Variants in ARSH observed in about 807,000 individuals in gnomAD.
ARSH encodes the protein arylsulfatase family member H, also known as arylsulfatase H.
A neutral mutation model predicts 28.7 loss-of-function variants in ARSH; 32 were observed. That is an observed-to-expected ratio of 1.11 (90% CI 0.84 to 1.50). The LOEUF is 1.50. Among genes scored for constraint, ARSH ranks in the 40% most tolerant of loss-of-function variants. The pLI is 0.00. For missense variants in ARSH, 440 were observed against 452.4 expected (o/e 0.97, Z 0.25); for synonymous variants, 176 against 177.3 (o/e 0.99, Z 0.06).
intron 6 of ARSH, among the ~76,000 whole-genome samples, chrX:3,026,564 T>C (rs1422349185): frequency 1.8e-5 from 2 of 112,094 alleles, no homozygotes; most frequent in Admixed American, 9.5e-5. Flanking sequence ...TCTAGACATA[T>C]GGTCTTGACA....
At chrX:3,010,470 G>C (rs1008248581) in intron 2 of ARSH, among the ~76,000 whole-genome samples, 1 of 111,772 alleles carries the variant, frequency 8.9e-6, no homozygotes, top group Non-Finnish European at 1.9e-5. Flanking sequence ...AGCTAGCAGA[G>C]ACCATGCAGT....
chrX:3,013,056 C>T lies in ARSH; in HGVS notation c.224C>T (p.Ser75Phe). ...GRYPIRSGMV[S>F]AYNLNRAFTW... ...ACTTCTGTGAATTTAGGGATGGTGT[C>T]TGCCTACAACCTGAACCGTGCCTTC... is the stretch of plus-strand genomic sequence containing the variant. The change falls in exon 3 of 9, where the codon TCT (serine) becomes TTT (phenylalanine). Residue 75 changes from serine to phenylalanine, a missense_variant. Ser to Phe is a radical substitution (Grantham distance 155). Coordinates refer to ENST00000381130, the MANE Select transcript of ARSH (RefSeq NM_001011719.2). 7 of 1,209,313 alleles carry T rather than the reference C, an allele frequency of 5.8e-6. No homozygotes were observed. Among genetic ancestry groups the T allele is most frequent in the Non-Finnish European group, 7.8e-6 (7 of 894,502 alleles).
intron 1 of ARSH, among the ~76,000 whole-genome samples, chrX:3,009,091 A>T (rs1396913709): frequency 9.0e-6 from 1 of 111,519 alleles, no homozygotes; most frequent in East Asian, 2.8e-4. Flanking sequence ...TTACCGTAAG[A>T]TATATATTAA....
At chrX:3,031,836 C>T (rs767560783) in intron 8 of ARSH, among the ~76,000 whole-genome samples, 16 of 111,141 alleles carry the variant, frequency 1.4e-4, no homozygotes, top group East Asian at 5.6e-4. Context: ...CTCAGTGCCA[C>T]GGTCATGGGA....
At chrX:3,026,472 C>T (rs2089898999) in intron 6 of ARSH, among the ~76,000 whole-genome samples, 1 of 111,459 alleles carries the variant, frequency 9.0e-6, no homozygotes, top group African/African-American at 3.3e-5. Context: ...CAGACAGGTG[C>T]GCACGTAGAA....
chrX:3,014,840 C>T, intron 3 of ARSH, 130 bp from the exon 4 acceptor site: 4 of 658,208 alleles, frequency 6.1e-6, no homozygotes, highest in Non-Finnish European at 9.0e-6. Context: ...TTGGGGATAT[C>T]AAGAAAAAAC....
At chrX:3,007,612 G>A (rs1284931323) in intron 1 of ARSH, among the ~76,000 whole-genome samples, 2 of 110,637 alleles carry the variant, frequency 1.8e-5, no homozygotes, top group Admixed American at 9.7e-5. Flanking sequence ...CCTTGTAGAT[G>A]CCGTCTTCTC....
intron 3 of ARSH, 111 bp from the exon 4 acceptor site, chrX:3,014,859 C>T (rs2089861121): frequency 3.9e-6 from 3 of 767,230 alleles, no homozygotes; most frequent in South Asian, 5.5e-5. Flanking sequence ...ACCATGATGA[C>T]AACAGAATGA....
chrX:3,008,475 TTCTTTCTTTC>T (rs2089836081), intron 1 of ARSH, among the ~76,000 whole-genome samples: 1 of 100,287 alleles, frequency 1.0e-5, no homozygotes, highest in African/African-American at 3.7e-5. Flanking sequence ...CTTTCTTTCT[TTCTTTCTTTC>T]TTTCTTTCTT....
intron 4 of ARSH, among the ~76,000 whole-genome samples, chrX:3,016,551 A>C (rs1164618324): frequency 1.8e-5 from 2 of 110,447 alleles, no homozygotes; most frequent in East Asian, 5.7e-4. Context: ...TCATCATCCC[A>C]TACCAGCTCA....
rs746282169 is a variant in ARSH at position 3,015,765 on chromosome X, CT to C, written c.764+373del. On this transcript the variant is annotated intron_variant, in intron 4 of 8. Transcript: ENST00000381130. ...ACCTATTGGGTGCTCTGCTTACCCC[CT>C]GAGTGCAATAGACCCACGTAACAAA... 3.3e-3 allele frequency among the ~76,000 whole-genome samples: 365 copies of C among 109,968 alleles called. 1 individual carries two copies. Among genetic ancestry groups the C allele is most frequent in the African/African-American group, 0.011 (328 of 30,246 alleles).
At chrX:3,018,984 C>T (rs959775519) in intron 5 of ARSH, among the ~76,000 whole-genome samples, 5 of 111,516 alleles carry the variant, frequency 4.5e-5, no homozygotes, top group Admixed American at 1.9e-4. Flanking sequence ...AATTCCTGGC[C>T]GGGCACGCAG....
At chrX:3,020,746 T>C (rs949061423) in intron 5 of ARSH, among the ~76,000 whole-genome samples, 1 of 111,573 alleles carries the variant, frequency 9.0e-6, no homozygotes, top group Non-Finnish European at 1.9e-5. Flanking sequence ...CCAAACCCTT[T>C]TGAAGCTTGC....
intron 2 of ARSH, among the ~76,000 whole-genome samples, chrX:3,012,399 C>A (rs930823588): frequency 9.9e-6 from 1 of 101,359 alleles, no homozygotes; most frequent in South Asian, 4.8e-4. Flanking sequence ...CAAAAAATAG[C>A]CAGGTGTGGT....
intron 4 of ARSH, 83 bp from the exon 5 acceptor site, chrX:3,018,451 T>C: frequency 9.7e-7 from 1 of 1,030,456 alleles, no homozygotes; most frequent in Non-Finnish European, 1.3e-6. Context: ...TATGAGATCT[T>C]TTCATCAGTG....
At chrX:3,008,509 C>CTT (rs369419011) in intron 1 of ARSH, among the ~76,000 whole-genome samples, 1 of 72,547 alleles carries the variant, frequency 1.4e-5, no homozygotes, top group Non-Finnish European at 2.7e-5. Flanking sequence ...TTCTTTCTTT[C>CTT]TTTCTTCCCT....
intron 5 of ARSH, 96 bp from the exon 6 acceptor site, chrX:3,023,923 AAC>A (rs2089891475): frequency 4.1e-6 from 4 of 973,802 alleles, no homozygotes; most frequent in African/African-American, 1.9e-5. Flanking sequence ...ATAACATTGA[AAC>A]GCTATGTGTA....
intron 5 of ARSH, among the ~76,000 whole-genome samples, chrX:3,022,388 G>A (rs780863897): frequency 4.5e-5 from 5 of 111,634 alleles, no homozygotes; most frequent in South Asian, 7.4e-4. Flanking sequence ...TCTAATTATA[G>A]CATTTCTAAA....
chrX:3,020,452 G>A (rs757032148), intron 5 of ARSH, among the ~76,000 whole-genome samples: 2 of 104,434 alleles, frequency 1.9e-5, no homozygotes, highest in South Asian at 4.3e-4. Flanking sequence ...AGCCGGGCGC[G>A]GTGGCGGGCG....
Sources: gnomAD v4.1 joint callset for allele counts (sites outside exome capture counted in the v4.1 genomes callset) on GRCh38, gnomAD v4.1.1 for gene constraint, MANE v1.5 for transcripts, NCBI Gene and HGNC (gene_info 2026-07-23, HGNC 2026-07-21) for gene names.